Variants in PSG2 observed in about 807,000 individuals in gnomAD.
PSG2 encodes the protein pregnancy specific beta-1-glycoprotein 2, also known as pregnancy-specific beta-1-glycoprotein 2.
PSG2 carries 49 observed loss-of-function variants against 36.2 expected under a neutral mutation model. The observed-to-expected ratio is 1.35, with a 90% confidence interval of 1.08 to 1.72. The LOEUF is 1.72. Ranked by LOEUF, PSG2 falls within the 40% of genes most tolerant of loss-of-function variation. The probability of loss-of-function intolerance (pLI) is 0.00; values close to 1 mark genes in which losing one functional copy is unlikely to be tolerated. For missense variants in PSG2, 605 were observed against 407.2 expected, an observed-to-expected ratio of 1.49 and a Z score of -4.18; for synonymous variants, 261 against 155.6, an observed-to-expected ratio of 1.68 and a Z score of -5.04.
intron 2 of PSG2, among the ~76,000 whole-genome samples, chr19:43,079,668 A>G (rs776075543): frequency 1.1e-4 from 14 of 123,112 alleles, no homozygotes; most frequent in African/African-American, 1.7e-4. Context: ...AAGATCTGAG[A>G]GGGAGGCCTG....
intron 2 of PSG2, 137 bp downstream of exon 2, chr19:43,080,744 C>T (rs760125145): frequency 2.4e-5 from 37 of 1,543,996 alleles, no homozygotes; most frequent in Non-Finnish European, 3.2e-5. Context: ...GTGTGTCCTG[C>T]ACTAAATGCC....
At chr19:43,072,141 C>T (rs1315112040) in intron 3 of PSG2, among the ~76,000 whole-genome samples, 187 bp from the exon 4 acceptor site, 1 of 151,598 alleles carries the variant, frequency 6.6e-6, no homozygotes, top group Non-Finnish European at 1.5e-5. Context: ...GATGTGGGCC[C>T]CAAGTCTCCC....
intron 2 of PSG2, 119 bp from the exon 3 acceptor site, chr19:43,075,751 T>A: frequency 3.3e-6 from 5 of 1,505,914 alleles, no homozygotes; most frequent in Non-Finnish European, 4.4e-6. Flanking sequence ...TAAAAGCCCA[T>A]GGCAGGTGTG....
chr19:43,070,294 T>C (rs1967797898), intron 4 of PSG2, among the ~76,000 whole-genome samples: 2 of 151,722 alleles, frequency 1.3e-5, no homozygotes, highest in Admixed American at 1.3e-4. Flanking sequence ...GGTGTGCTGT[T>C]TCTCAAAAAA....
At chr19:43,082,398 C>T in intron 1 of PSG2, 108 bp downstream of exon 1, 1 of 1,519,802 alleles carries the variant, frequency 6.6e-7, no homozygotes, top group Non-Finnish European at 9.1e-7. Context: ...CCTCAGCCTC[C>T]CTAAGTGCTG....
In PSG2 at chr19:43,071,717, A is replaced by G; in HGVS notation, c.947T>C (p.Leu316Ser). Residue 316 changes from leucine (L) to serine (S), a missense_variant, in exon 4 of 6, where the codon TTG (leucine) becomes TCG (serine). By Grantham distance (145) the Leu-to-Ser change is moderately radical. Coordinates refer to ENST00000406487, the MANE Select transcript of PSG2 (RefSeq NM_031246.4). ...CCACTTACCAGAGACTTTGACTGTC[A>G]ACGATGTGGAGCTTTCCTCGCCAGT... Reference protein sequence around the residue: ...SATGEESSTSLTVKVSASTRI... With the variant: ...SATGEESSTSSTVKVSASTRI... The G allele has an allele frequency of 6.2e-7, 1 of 1,612,982 alleles. No homozygotes were observed. The highest frequency in any genetic ancestry group is 8.5e-7 in the Non-Finnish European group (1 of 1,179,466).
chr19:43,064,931 A>G (rs1314029251), intron 5 of PSG2, among the ~76,000 whole-genome samples: 3 of 151,820 alleles, frequency 2.0e-5, no homozygotes, highest in East Asian at 3.8e-4. Context: ...TCCGCGGTTC[A>G]TGCCATTCTC....
chr19:43,071,033 C>T (rs1967807697), intron 4 of PSG2, among the ~76,000 whole-genome samples: 1 of 151,648 alleles, frequency 6.6e-6, no homozygotes, highest in Non-Finnish European at 1.5e-5. Context: ...CAGGACCAGG[C>T]TTAGGAGTCT....
chr19:43,073,497 T>C (rs559716291), intron 3 of PSG2, among the ~76,000 whole-genome samples: 2 of 151,934 alleles, frequency 1.3e-5, no homozygotes, highest in East Asian at 3.9e-4. Context: ...GGAAATCTGG[T>C]CGTCATGGAC....
intron 4 of PSG2, among the ~76,000 whole-genome samples, chr19:43,066,944 G>A (rs1967748379): frequency 6.6e-6 from 1 of 151,126 alleles, no homozygotes. Context: ...TTTCTGTTGT[G>A]GCAGTCATGA....
At chr19:43,066,119 A>G (rs1967735912) in intron 5 of PSG2, among the ~76,000 whole-genome samples, 1 of 151,750 alleles carries the variant, frequency 6.6e-6, no homozygotes, top group Non-Finnish European at 1.5e-5. Context: ...TAGAAAGGTA[A>G]TGAGGCAATC....
rs374834470 is a variant in PSG2, at chr19:43,072,456, G to A, written c.710-502C>T. 4.4e-4 allele frequency: 717 copies of A among 1,611,684 alleles called. 18 individuals carry two copies. In the South Asian group the frequency reaches 7.4e-3, roughly 17 times the overall value. Reference sequence around the variant, plus strand: ...TTTCTCGTGACACTGGGTAGAATGAGGATCCTGTTTTCAATGGGTCGCTTT... The same window carrying A: ...TTTCTCGTGACACTGGGTAGAATGAAGATCCTGTTTTCAATGGGTCGCTTT... On this transcript the variant is annotated intron_variant, in intron 3 of 5. Coordinates refer to ENST00000406487, the MANE Select transcript of PSG2 (RefSeq NM_031246.4).
chr19:43,082,122 C>CTTTTTTTTTTT (rs71169213), intron 1 of PSG2: 7 of 67,938 alleles, frequency 1.0e-4, no homozygotes, highest in African/African-American at 3.1e-4. Context: ...TTTCTTCTCT[C>CTTTTTTTTTTT]TTTTTTTTTT....
chr19:43,077,135 A>G (rs1290226072), intron 2 of PSG2, among the ~76,000 whole-genome samples: 3 of 151,756 alleles, frequency 2.0e-5, no homozygotes, highest in Non-Finnish European at 4.4e-5. Flanking sequence ...TGATGATCCA[A>G]ACATCTAAGA....
At position 43,071,900 on chromosome 19, in the gene PSG2, T is replaced by C. The variant is rs777552122; in HGVS notation, c.764A>G (p.Asp255Gly). The change falls in exon 4 of 6, where the codon GAT (aspartate) becomes GGT (glycine). Residue 255 changes from aspartate to glycine, a missense_variant. Asp to Gly is a moderately conservative substitution (Grantham distance 94, BLOSUM62 -1). Coordinates refer to ENST00000406487, the MANE Select transcript of PSG2 (RefSeq NM_031246.4). ...HPSYTNYRSG[D>G]NLYLSCFANS... is the part of the protein sequence containing the mutation. ...CGCGAAGCAAGACAAGTAGAGGTTA[T>C]CTCCTGAACGGTAATTGGTGTATGA... is the stretch of plus-strand genomic sequence containing the variant. 1 of 1,612,756 alleles carries C rather than the reference T, an allele frequency of 6.2e-7. No homozygotes were observed. The highest frequency in any genetic ancestry group is 1.3e-5 in the African/African-American group (1 of 74,550).
intron 5 of PSG2, 74 bp downstream of exon 5, chr19:43,066,443 A>G: frequency 1.8e-6 from 2 of 1,117,808 alleles, no homozygotes; most frequent in East Asian, 4.8e-5. Context: ...GATACAGGCA[A>G]ATAAGTCTTT....
chr19:43,064,380 A>G lies in PSG2; in HGVS notation c.*262T>C. On this transcript the variant is annotated 3_prime_UTR_variant, in exon 6 of 6. Transcript: ENST00000406487. ...TGTTCATAAATCTGGAGAATGAAAC[A>G]TTCCAAGAATCAGCACATTTTCAAA... The G allele has an allele frequency of 3.2e-6, 1 of 313,692 alleles. No homozygotes were observed. Among genetic ancestry groups the G allele is most frequent in the Non-Finnish European group, 6.2e-6 (1 of 160,204 alleles). The allele number at this position is 313,692 out of a possible 1,614,324, so 19.4% of individuals were successfully genotyped here.
At chr19:43,075,689 G>A (rs1470919789) in intron 2 of PSG2, 57 bp from the exon 3 acceptor site, 30 of 1,563,762 alleles carry the variant, frequency 1.9e-5, no homozygotes, top group African/African-American at 1.4e-5. Flanking sequence ...TCCTCCAAAG[G>A]CATTTTTCAA....
intron 3 of PSG2, among the ~76,000 whole-genome samples, chr19:43,074,332 A>C (rs943814055): frequency 6.6e-6 from 1 of 151,736 alleles, no homozygotes; most frequent in Admixed American, 6.6e-5. Flanking sequence ...CATGAAAATG[A>C]AATGTCTTTC....
Sources: allele counts gnomAD v4.1 joint callset (sites outside exome capture counted in the v4.1 genomes callset), GRCh38; gene constraint gnomAD v4.1.1; transcripts MANE v1.5; gene names NCBI Gene and HGNC (gene_info 2026-07-23, HGNC 2026-07-21).